PCSK2: variants seen among roughly 807,000 people sequenced by gnomAD.
PCSK2 encodes the protein neuroendocrine convertase 2.
A neutral mutation model predicts 69.7 loss-of-function variants in PCSK2; 14 were observed. That is an observed-to-expected ratio of 0.20 (90% CI 0.13 to 0.31). PCSK2 has a LOEUF of 0.31. Among genes scored for constraint, PCSK2 ranks in the 10% least tolerant of loss-of-function variants. The pLI, the probability that PCSK2 is intolerant of heterozygous loss-of-function variation, is 1.00. For missense variants in PCSK2, 544 were observed against 842.5 expected (o/e 0.65, Z 4.39); for synonymous variants, 307 against 320.7 (o/e 0.96, Z 0.46).
intron 2 of PCSK2, among the ~76,000 whole-genome samples, chr20:17,325,078 T>C (rs1314139616): frequency 6.6e-6 from 1 of 152,124 alleles, no homozygotes; most frequent in Non-Finnish European, 1.5e-5. Context: ...ACCACAAACA[T>C]GTCAGATCCC....
At chr20:17,369,417 GGA>G in intron 5 of PCSK2, 140 bp downstream of exon 5, 1 of 712,502 alleles carries the variant, frequency 1.4e-6, no homozygotes, top group Admixed American at 2.1e-5. Context: ...CACACACACA[GGA>G]GTACAGCTGC....
chr20:17,377,956 T>A (rs2030974876), intron 5 of PCSK2, among the ~76,000 whole-genome samples: 1 of 152,240 alleles, frequency 6.6e-6, no homozygotes, highest in Admixed American at 6.5e-5. Context: ...TTTTTAATTA[T>A]TCAATTGACT....
At chr20:17,436,935 G>A in intron 8 of PCSK2, 52 bp downstream of exon 8, 1 of 1,470,562 alleles carries the variant, frequency 6.8e-7, no homozygotes, top group Non-Finnish European at 9.1e-7. Context: ...GGGACAAAGT[G>A]GGTGGAGGGG....
intron 2 of PCSK2, among the ~76,000 whole-genome samples, chr20:17,324,131 G>A (rs1989964716): frequency 6.6e-6 from 1 of 152,204 alleles, no homozygotes; most frequent in African/African-American, 2.4e-5. Flanking sequence ...GTAGTAACAA[G>A]CCTGATAACA....
chr20:17,357,921 CTCTA>C (rs1188827322), intron 2 of PCSK2, among the ~76,000 whole-genome samples: 1 of 151,134 alleles, frequency 6.6e-6, no homozygotes, highest in African/African-American at 2.4e-5. Context: ...GAATACTTTT[CTCTA>C]TCTAATTCTT....
chr20:17,478,858 T>C (rs2033338702), intron 11 of PCSK2, among the ~76,000 whole-genome samples: 1 of 152,232 alleles, frequency 6.6e-6, no homozygotes, highest in Non-Finnish European at 1.5e-5. Context: ...TATTTCTGCA[T>C]TTATTTTTTG....
intron 11 of PCSK2, among the ~76,000 whole-genome samples, chr20:17,477,399 A>G (rs2033310765): frequency 6.6e-6 from 1 of 152,036 alleles, no homozygotes; most frequent in Non-Finnish European, 1.5e-5. Context: ...TAGAAACAGA[A>G]CAGATAGCAA....
chr20:17,423,699 G>C (rs184636047), intron 6 of PCSK2, among the ~76,000 whole-genome samples: 234 of 151,642 alleles, frequency 1.5e-3, no homozygotes, highest in African/African-American at 5.4e-3. Context: ...ACTAGAAGAC[G>C]TGCAGCAAAT....
chr20:17,452,907 ACT>A (rs1322176273), intron 8 of PCSK2, among the ~76,000 whole-genome samples: 4 of 152,258 alleles, frequency 2.6e-5, no homozygotes, highest in Non-Finnish European at 5.9e-5. Context: ...AGCCATGCTA[ACT>A]GTAGGGACTT....
intron 2 of PCSK2, among the ~76,000 whole-genome samples, chr20:17,336,808 T>G (rs1256335879): frequency 6.6e-6 from 1 of 152,166 alleles, no homozygotes; most frequent in African/African-American, 2.4e-5. Context: ...GAGGGTCGAC[T>G]GAAAGCTGAG....
At chr20:17,413,966 G>C (rs1012120908) in intron 6 of PCSK2, among the ~76,000 whole-genome samples, 4 of 152,176 alleles carry the variant, frequency 2.6e-5, no homozygotes, top group African/African-American at 7.2e-5. Flanking sequence ...CAGAAATAAA[G>C]ACATTCTTTG....
At chr20:17,264,475 A>G (rs945567579) in intron 2 of PCSK2, among the ~76,000 whole-genome samples, 5 of 152,158 alleles carry the variant, frequency 3.3e-5, no homozygotes, top group African/African-American at 7.2e-5. Flanking sequence ...ATATCTTTCT[A>G]GCTTCTTTCT....
chr20:17,426,988 G>C (rs766971799), intron 6 of PCSK2, among the ~76,000 whole-genome samples: 1 of 152,176 alleles, frequency 6.6e-6, no homozygotes, highest in Non-Finnish European at 1.5e-5. Context: ...GTTTCTAATA[G>C]GATTACATGA....
intron 1 of PCSK2, among the ~76,000 whole-genome samples, chr20:17,229,727 G>C (rs571552533): frequency 1.2e-4 from 18 of 151,966 alleles, no homozygotes; most frequent in Middle Eastern, 3.4e-3. Context: ...AAGTAACAGG[G>C]ACTGCCTGGT....
chr20:17,339,925 G>A (rs6514790), intron 2 of PCSK2, among the ~76,000 whole-genome samples: 44,776 of 152,062 alleles, frequency 0.29, 7,550 homozygotes, highest in Non-Finnish European at 0.39. Flanking sequence ...TTTGACCTTC[G>A]GATTTTAGGA....
chr20:17,393,588 T>TATTA (rs1179656024), intron 5 of PCSK2, among the ~76,000 whole-genome samples: 1 of 152,174 alleles, frequency 6.6e-6, no homozygotes, highest in African/African-American at 2.4e-5. Context: ...TTTCAATCAC[T>TATTA]ATTAAGCACA....
intron 6 of PCSK2, among the ~76,000 whole-genome samples, chr20:17,417,427 CAG>C (rs1451138752): frequency 1.3e-5 from 2 of 152,194 alleles, no homozygotes; most frequent in Admixed American, 6.5e-5. Context: ...ATGATTAAGA[CAG>C]AGTGTCCACT....
chr20:17,232,475 C>T (rs1454310265), intron 1 of PCSK2, among the ~76,000 whole-genome samples: 1 of 152,136 alleles, frequency 6.6e-6, no homozygotes, highest in African/African-American at 2.4e-5. Context: ...ATTTGGATAT[C>T]CTCTTTTAAA....
At chr20:17,302,702 AGGCCGTGCT>A (rs1363624917) in intron 2 of PCSK2, among the ~76,000 whole-genome samples, 2 of 152,194 alleles carry the variant, frequency 1.3e-5, no homozygotes, top group Non-Finnish European at 2.9e-5. Context: ...ACCAGGATCC[AGGCCGTGCT>A]GTGAATGAGA....
Sources: gnomAD v4.1 joint callset for allele counts (sites outside exome capture counted in the v4.1 genomes callset) on GRCh38, gnomAD v4.1.1 for gene constraint, MANE v1.5 for transcripts, NCBI Gene and HGNC (gene_info 2026-07-23, HGNC 2026-07-21) for gene names.